The following RERE variants were observed in gnomAD, a reference collection of about 807,000 sequenced individuals.
RERE encodes the protein arginine-glutamic acid dipeptide repeats protein.
RERE carries 40 observed loss-of-function variants against 146.1 expected under a neutral mutation model. The ratio of observed to expected loss-of-function variants is 0.27; its 90% CI spans 0.21 to 0.36. The LOEUF (loss-of-function observed/expected upper bound fraction) is 0.36, where lower values mean the gene tolerates loss of function less well. Among genes scored for constraint, RERE ranks in the 10% least tolerant of loss-of-function variants. RERE has a pLI of 1.00. For missense variants in RERE, 1,933 were observed against 2,138.7 expected (o/e 0.90, Z 1.90); for synonymous variants, 1,003 against 866.0 (o/e 1.16, Z -2.78).
intron 12 of RERE, among the ~76,000 whole-genome samples, chr1:8,380,517 T>C (rs937649129): frequency 1.3e-5 from 2 of 152,056 alleles, no homozygotes; most frequent in Non-Finnish European, 2.9e-5. Flanking sequence ...CCTGGCTAAT[T>C]TTTGTATTTT....
At chr1:8,382,193 C>T (rs935145826) in intron 12 of RERE, among the ~76,000 whole-genome samples, 2 of 152,230 alleles carry the variant, frequency 1.3e-5, no homozygotes, top group African/African-American at 4.8e-5. Context: ...GCAAGCTAGC[C>T]ATGCTGCTAG....
intron 1 of RERE, among the ~76,000 whole-genome samples, chr1:8,784,036 T>C (rs1050190344): frequency 6.6e-6 from 1 of 152,156 alleles, no homozygotes; most frequent in Non-Finnish European, 1.5e-5. Flanking sequence ...TGTGGCACAA[T>C]AAATGTCTGT....
intron 7 of RERE, among the ~76,000 whole-genome samples, chr1:8,526,856 A>T (rs1418985924): frequency 6.6e-6 from 1 of 152,194 alleles, no homozygotes; most frequent in East Asian, 1.9e-4. Context: ...CTAGCTTTGG[A>T]TGTGCAGGCT....
At chr1:8,658,410 T>C (rs1638374746) in intron 1 of RERE, among the ~76,000 whole-genome samples, 2 of 152,234 alleles carry the variant, frequency 1.3e-5, no homozygotes, top group Admixed American at 1.3e-4. Flanking sequence ...TCCTCTTTAC[T>C]TGACAACCAC....
intron 1 of RERE, among the ~76,000 whole-genome samples, chr1:8,784,756 T>C (rs1365834732): frequency 6.6e-6 from 1 of 152,182 alleles, no homozygotes; most frequent in East Asian, 1.9e-4. Flanking sequence ...AAAACACTCA[T>C]ACTATGACTT....
At chr1:8,607,181 C>T (rs1646724515) in intron 4 of RERE, among the ~76,000 whole-genome samples, 1 of 151,848 alleles carries the variant, frequency 6.6e-6, no homozygotes, top group South Asian at 2.1e-4. Flanking sequence ...GGCAATGTGG[C>T]AAAGCCCCGT....
chr1:8,444,223 T>C (rs1298278642), intron 11 of RERE, among the ~76,000 whole-genome samples: 2 of 152,186 alleles, frequency 1.3e-5, no homozygotes, highest in Non-Finnish European at 2.9e-5. Context: ...CTGTGGCAAA[T>C]GGAGTCAAGG....
intron 1 of RERE, among the ~76,000 whole-genome samples, chr1:8,772,414 A>G (rs1050755939): frequency 7.9e-5 from 12 of 152,190 alleles, no homozygotes; most frequent in African/African-American, 2.7e-4. Flanking sequence ...TACATACTGT[A>G]CCTTGCTCTG....
At chr1:8,773,555 G>A (rs1640996970) in intron 1 of RERE, among the ~76,000 whole-genome samples, 1 of 152,200 alleles carries the variant, frequency 6.6e-6, no homozygotes, top group Non-Finnish European at 1.5e-5. Flanking sequence ...GCTGGGCACG[G>A]TAGCTCACGC....
intron 4 of RERE, among the ~76,000 whole-genome samples, chr1:8,614,017 A>G (rs968394106): frequency 1.3e-5 from 2 of 152,182 alleles, no homozygotes; most frequent in African/African-American, 4.8e-5. Flanking sequence ...CTAGTAACAG[A>G]GGAATAACCA....
chr1:8,357,419 C>T (rs1641336614), intron 20 of RERE, among the ~76,000 whole-genome samples: 1 of 152,206 alleles, frequency 6.6e-6, no homozygotes, highest in East Asian at 1.9e-4. Flanking sequence ...CAAGGTGGCT[C>T]CCCGCCCTCC....
rs1458055580 is a variant in RERE at position 8,360,948 on chromosome 1, G to T, written c.2559C>A (p.Gly853=). 6.8e-7 allele frequency: 1 copy of T among 1,460,312 alleles called. No homozygotes were observed. Among genetic ancestry groups the T allele is most frequent in the Admixed American group, 2.6e-5 (1 of 38,680 alleles). 90.5% of individuals were successfully genotyped at this position (1,460,312 alleles called of 1,614,324 possible). ...GGGGCCCAGCCTGCAGGCTGTGAGG[G>T]CCGGGTGGGCCCTGACCGTGCAGTG... ...QPPLHGQGPP[G]PHSLQAGPLL... is the part of the protein sequence containing the mutation. The change falls in exon 18 of 23, where the codon GGC becomes GGA. Residue 853 remains glycine, a synonymous_variant. Transcript: ENST00000400908.
At chr1:8,748,020 C>T (rs1253070555) in intron 1 of RERE, among the ~76,000 whole-genome samples, 3 of 151,918 alleles carry the variant, frequency 2.0e-5, no homozygotes, top group Non-Finnish European at 2.9e-5. Flanking sequence ...TCAAGTGATC[C>T]GCCCACCTCA....
At chr1:8,538,021 A>G (rs1645749533) in intron 7 of RERE, among the ~76,000 whole-genome samples, 1 of 152,234 alleles carries the variant, frequency 6.6e-6, no homozygotes, top group Admixed American at 6.5e-5. Context: ...CAGCTCTGAG[A>G]AATAAACAGT....
At chr1:8,451,500 T>A (rs1265770727) in intron 11 of RERE, among the ~76,000 whole-genome samples, 1 of 152,118 alleles carries the variant, frequency 6.6e-6, no homozygotes, top group Non-Finnish European at 1.5e-5. Context: ...AGCCCAATCT[T>A]CCACCCACTT....
intron 4 of RERE, among the ~76,000 whole-genome samples, chr1:8,575,344 A>G (rs957830964): frequency 2.0e-5 from 3 of 151,878 alleles, no homozygotes; most frequent in Non-Finnish European, 4.4e-5. Context: ...GCACCTTTCC[A>G]TAAAATATTA....
intron 12 of RERE, among the ~76,000 whole-genome samples, chr1:8,420,296 AAG>A (rs555165121): frequency 3.3e-5 from 5 of 152,064 alleles, no homozygotes; most frequent in African/African-American, 4.8e-5. Context: ...CTCATTAAAA[AAG>A]AGAGAGAGAG....
chr1:8,691,739 T>C (rs1639210840), intron 1 of RERE, among the ~76,000 whole-genome samples: 1 of 152,234 alleles, frequency 6.6e-6, no homozygotes, highest in Non-Finnish European at 1.5e-5. Context: ...CAGGAGAGCC[T>C]ATCCAAATCA....
intron 1 of RERE, among the ~76,000 whole-genome samples, chr1:8,669,982 C>T (rs989601156): frequency 1.1e-4 from 17 of 152,100 alleles, no homozygotes; most frequent in Non-Finnish European, 2.4e-4. Context: ...AAAATGGAAC[C>T]ACAAAACTCA....
Sources: gnomAD v4.1 joint callset for allele counts (sites outside exome capture counted in the v4.1 genomes callset) on GRCh38, gnomAD v4.1.1 for gene constraint, MANE v1.5 for transcripts, NCBI Gene and HGNC (gene_info 2026-07-23, HGNC 2026-07-21) for gene names.